Variants in ANXA7 observed in about 807,000 individuals in gnomAD.
The protein encoded by ANXA7 is annexin A7.
A neutral mutation model predicts 64.9 loss-of-function variants in ANXA7; 55 were observed. The ratio of observed to expected loss-of-function variants is 0.85; its 90% CI spans 0.68 to 1.06. The LOEUF (loss-of-function observed/expected upper bound fraction) is 1.06. ANXA7 is among the 50% of genes least tolerant of loss of function. The pLI is 0.00. For missense variants in ANXA7, 548 were observed against 582.1 expected, an observed-to-expected ratio of 0.94 and a Z score of 0.60; for synonymous variants, 200 against 192.4, an observed-to-expected ratio of 1.04 and a Z score of -0.33.
At chr10:73,391,588 AC>A (rs142734283) in intron 5 of ANXA7, among the ~76,000 whole-genome samples, 1 of 152,264 alleles carries the variant, frequency 6.6e-6, no homozygotes, top group East Asian at 1.9e-4. Flanking sequence ...CTCCAGCCTG[AC>A]CCGAGCAGCA....
At chr10:73,390,105 T>C (rs1157761412) in intron 5 of ANXA7, among the ~76,000 whole-genome samples, 2 of 152,150 alleles carry the variant, frequency 1.3e-5, no homozygotes, top group Admixed American at 6.5e-5. Context: ...AACACACATA[T>C]ACACACACAC....
chr10:73,409,772 A>C (rs1159973101), intron 1 of ANXA7, among the ~76,000 whole-genome samples: 1 of 152,222 alleles, frequency 6.6e-6, no homozygotes, highest in African/African-American at 2.4e-5. Context: ...ATACACTACA[A>C]GCCTATAGCT....
chr10:73,392,405 G>T (rs941522182), intron 5 of ANXA7, among the ~76,000 whole-genome samples: 2 of 151,770 alleles, frequency 1.3e-5, no homozygotes, highest in African/African-American at 4.9e-5. Context: ...AAAAAAAAGA[G>T]AATTTTAGAC....
At chr10:73,395,874 G>T in intron 5 of ANXA7, 1 of 700,684 alleles carries the variant, frequency 1.4e-6, no homozygotes. Context: ...CCAGTCAACA[G>T]ACTAACTGGC....
intron 1 of ANXA7, among the ~76,000 whole-genome samples, chr10:73,404,783 GA>G (rs137944163): frequency 0.047 from 7,051 of 151,552 alleles, 503 homozygotes; most frequent in African/African-American, 0.15. Context: ...AATAAACAGA[GA>G]AAAAAACAAA....
At chr10:73,389,769 C>T (rs2055438733) in intron 5 of ANXA7, among the ~76,000 whole-genome samples, 1 of 152,112 alleles carries the variant, frequency 6.6e-6, no homozygotes, top group African/African-American at 2.4e-5. Context: ...AGCACTACAG[C>T]CATGTGCCAC....
chr10:73,396,468 C>A (rs1408572587), intron 5 of ANXA7, 51 bp downstream of exon 5: 19 of 1,366,708 alleles, frequency 1.4e-5, no homozygotes, highest in Non-Finnish European at 1.9e-5. Flanking sequence ...AGGATAGGTT[C>A]CTTCTTTATC....
rs1431288739 is a variant in ANXA7, at chr10:73,377,771, T to TGG, written c.1278+1138_1278+1139dup. On this transcript the variant is annotated intron_variant, in intron 12 of 12. Coordinates refer to ENST00000372921, the MANE Select transcript of ANXA7 (RefSeq NM_001156.5). ...GGACTACCATGCCGGGGGGTGGGTGTGGGTGTGTGTGTGTGTGTGTGTGTG... is the reference window on the plus strand; with the variant it reads ...GGACTACCATGCCGGGGGGTGGGTGTGGGGGTGTGTGTGTGTGTGTGTGTGTG... Among the ~76,000 whole-genome samples, 50 of 138,296 alleles carry TGG rather than the reference T, an allele frequency of 3.6e-4. 5 individuals carry two copies. The highest frequency in any genetic ancestry group is 1.4e-3 in the South Asian group (6 of 4,196). 90.7% of individuals were successfully genotyped at this position (138,296 alleles called of 152,430 possible). A position where few individuals can be genotyped will look rare whatever the true frequency, so the allele number is the denominator to read the frequency against.
intron 9 of ANXA7, among the ~76,000 whole-genome samples, chr10:73,382,329 GCTT>G (rs1307989196): frequency 6.8e-6 from 1 of 146,018 alleles, no homozygotes; most frequent in Admixed American, 6.7e-5. Context: ...ATCTAAGTGT[GCTT>G]CTTTTCTTTT....
intron 7 of ANXA7, among the ~76,000 whole-genome samples, chr10:73,384,958 AT>A (rs1383310498): frequency 6.6e-6 from 1 of 152,056 alleles, no homozygotes; most frequent in Non-Finnish European, 1.5e-5. Context: ...CATTACATTC[AT>A]TGTGGAGCTT....
At chr10:73,396,132 T>A in intron 5 of ANXA7, 1 of 1,508,990 alleles carries the variant, frequency 6.6e-7, no homozygotes, top group Non-Finnish European at 9.2e-7. Context: ...TGAAAAGTTA[T>A]AAAGGTAAAA....
intron 1 of ANXA7, among the ~76,000 whole-genome samples, chr10:73,410,781 C>CAAA (rs536548150): frequency 1.7e-5 from 1 of 59,410 alleles, no homozygotes; most frequent in African/African-American, 4.7e-5. Context: ...GACTCCATCT[C>CAAA]AAAAAAAAAA....
chr10:73,394,899 ATTTACT>A (rs1292851401), intron 5 of ANXA7, among the ~76,000 whole-genome samples: 1 of 152,226 alleles, frequency 6.6e-6, no homozygotes, highest in East Asian at 1.9e-4. Flanking sequence ...AGTACATGTG[ATTTACT>A]TTTAGTGTTT....
chr10:73,391,909 G>C (rs1423576687), intron 5 of ANXA7, among the ~76,000 whole-genome samples: 1 of 152,082 alleles, frequency 6.6e-6, no homozygotes, highest in Non-Finnish European at 1.5e-5. Flanking sequence ...ACTGGTTTTA[G>C]TTCCAGCTTA....
At chr10:73,379,642 C>T (rs1338606121) in intron 11 of ANXA7, among the ~76,000 whole-genome samples, 2 of 152,170 alleles carry the variant, frequency 1.3e-5, no homozygotes, top group African/African-American at 4.8e-5. Flanking sequence ...CCCCAAACAG[C>T]CCTGTTTGAT....
At chr10:73,413,008 A>G (rs2055868821) in intron 1 of ANXA7, among the ~76,000 whole-genome samples, 1 of 152,104 alleles carries the variant, frequency 6.6e-6, no homozygotes, top group Non-Finnish European at 1.5e-5. Context: ...AGGAAGGGTG[A>G]CTGAAGATAC....
At position 73,396,204 on chromosome 10, in the gene ANXA7, A is replaced by G. The variant is rs565098283; in HGVS notation, c.435+315T>C. On this transcript the variant is annotated intron_variant, in intron 5 of 12. Transcript: ENST00000372921. ...GAAATACCAATCACCCAGCCACCCAAATTCATAGGTGTAACTGCTGGTAAG... is the reference window on the plus strand; with the variant it reads ...GAAATACCAATCACCCAGCCACCCAGATTCATAGGTGTAACTGCTGGTAAG... 381 of 805,298 alleles carry G rather than the reference A, an allele frequency of 4.7e-4. 2 individuals are homozygous for G. In the African/African-American group the frequency reaches 5.8e-3, roughly 12 times the overall value. The allele number at this position is 805,298 out of a possible 1,614,324, so 49.9% of individuals were successfully genotyped here.
intron 4 of ANXA7, among the ~76,000 whole-genome samples, chr10:73,396,908 AG>A (rs1413565126): frequency 3.3e-5 from 5 of 151,636 alleles, no homozygotes; most frequent in African/African-American, 1.2e-4. Flanking sequence ...AGGAGTGGGC[AG>A]AGAAGTTCCT....
intron 5 of ANXA7, among the ~76,000 whole-genome samples, chr10:73,393,392 C>T (rs2055517585): frequency 6.6e-6 from 1 of 152,270 alleles, no homozygotes; most frequent in East Asian, 1.9e-4. Context: ...AAAGAGCCCA[C>T]ATTGCCAAGA....
Sources: allele counts gnomAD v4.1 joint callset (sites outside exome capture counted in the v4.1 genomes callset), GRCh38; gene constraint gnomAD v4.1.1; transcripts MANE v1.5; gene names NCBI Gene and HGNC (gene_info 2026-07-23, HGNC 2026-07-21).